The following CALN1 variants were observed in gnomAD, a reference collection of about 807,000 sequenced individuals.
The protein encoded by CALN1 is calneuron 1.
Under a neutral mutation model 30.6 loss-of-function variants are expected in CALN1, and 17 were observed. The ratio of observed to expected loss-of-function variants is 0.56; its 90% confidence interval spans 0.38 to 0.83. The LOEUF (loss-of-function observed/expected upper bound fraction) is 0.83. Ranked by LOEUF, CALN1 falls within the 40% of genes least tolerant of loss-of-function variation. CALN1 has a pLI of 0.00. For missense variants in CALN1, 291 were observed against 354.9 expected (o/e 0.82, Z 1.45); for synonymous variants, 156 against 131.4 (o/e 1.19, Z -1.28).
intron 1 of CALN1, among the ~76,000 whole-genome samples, chr7:72,437,081 A>C (rs907692815): frequency 6.6e-5 from 10 of 152,104 alleles, no homozygotes; most frequent in Non-Finnish European, 1.0e-4. Context: ...CTCAAAAAAA[A>C]AAAAGGAACC....
At chr7:72,292,349 G>A (rs1041755676) in intron 2 of CALN1, among the ~76,000 whole-genome samples, 25 of 151,416 alleles carry the variant, frequency 1.7e-4, no homozygotes, top group Admixed American at 1.6e-3. Flanking sequence ...AGAGCGCTCT[G>A]GTCTCTTTGT....
chr7:72,063,370 A>AT (rs1343936582), intron 4 of CALN1, among the ~76,000 whole-genome samples: 2 of 152,370 alleles, frequency 1.3e-5, no homozygotes, highest in South Asian at 4.1e-4. Flanking sequence ...ATGCAATGCC[A>AT]TAAGTCTCTT....
intron 4 of CALN1, among the ~76,000 whole-genome samples, chr7:72,045,994 C>T (rs1802442169): frequency 1.0e-5 from 1 of 97,444 alleles, no homozygotes; most frequent in Admixed American, 1.1e-4. Context: ...GAGACTCCCT[C>T]TCAAAAAAAA....
intron 2 of CALN1, among the ~76,000 whole-genome samples, chr7:72,393,012 A>G (rs976891457): frequency 2.0e-5 from 3 of 152,048 alleles, no homozygotes; most frequent in Admixed American, 2.0e-4. Context: ...AAAAAAAATT[A>G]ATACAAACAC....
intron 5 of CALN1, among the ~76,000 whole-genome samples, chr7:71,856,866 G>A (rs946302181): frequency 6.6e-6 from 1 of 151,996 alleles, no homozygotes; most frequent in African/African-American, 2.4e-5. Context: ...CAGGTGGAAG[G>A]GTCGCTTCAA....
chr7:71,875,939 C>T (rs1288762320), intron 5 of CALN1, among the ~76,000 whole-genome samples: 1 of 152,164 alleles, frequency 6.6e-6, no homozygotes. Flanking sequence ...TGACCATGAG[C>T]ACAAGTTCAA....
intron 4 of CALN1, among the ~76,000 whole-genome samples, chr7:72,048,038 CTTCTTTTTTTT>C (rs1802588655): frequency 7.3e-6 from 1 of 137,326 alleles, no homozygotes; most frequent in Non-Finnish European, 1.5e-5. Flanking sequence ...TCTTCTTCTT[CTTCTTTTTTTT>C]TTTTTTTTGA....
At chr7:72,492,161 T>A in the CALN1 span, among the ~76,000 whole-genome samples, 1 of 152,206 alleles carries the variant, frequency 6.6e-6, no homozygotes, top group Non-Finnish European at 1.5e-5. Flanking sequence ...AACAGAAATG[T>A]GCCACCTTGG....
rs573576255 is a variant in CALN1 at position 72,226,896 on chromosome 7, G to T, written c.244+51790C>A. The stretch of plus-strand genomic sequence containing the variant: ...ATCTCTACAAAAAACAATTAGCCAC[G>T]CATGATGGCGCATGTCTATAGTTCC... On this transcript the variant is annotated intron_variant, in intron 3 of 6. Coordinates refer to ENST00000395275, the MANE Select transcript of CALN1 (RefSeq NM_031468.4). Among the ~76,000 whole-genome samples the T allele has an allele frequency of 1.4e-4, 22 of 152,006 alleles. No individual in the cohort carries two copies. In the East Asian group the frequency reaches 4.3e-3, roughly 30 times the overall value.
chr7:72,271,916 G>C (rs145599615), intron 3 of CALN1, among the ~76,000 whole-genome samples: 15 of 151,978 alleles, frequency 9.9e-5, no homozygotes, highest in African/African-American at 3.4e-4. Flanking sequence ...ACAAAATGTA[G>C]GCGGGCGTGA....
At chr7:72,461,052 C>T in the CALN1 span, among the ~76,000 whole-genome samples, 1 of 152,180 alleles carries the variant, frequency 6.6e-6, no homozygotes, top group African/African-American at 2.4e-5. Flanking sequence ...CTCTCCATCC[C>T]ATTCCCTAGG....
At chr7:72,370,400 T>C (rs1377545892) in intron 2 of CALN1, among the ~76,000 whole-genome samples, 1 of 152,114 alleles carries the variant, frequency 6.6e-6, no homozygotes, top group African/African-American at 2.4e-5. Context: ...TTATAAGACA[T>C]GTGATTGACT....
At chr7:72,432,230 C>T (rs1049762850) in intron 1 of CALN1, among the ~76,000 whole-genome samples, 3 of 152,204 alleles carry the variant, frequency 2.0e-5, no homozygotes, top group African/African-American at 7.2e-5. Context: ...CCTGCCTACA[C>T]TCTCTTGCCT....
intron 3 of CALN1, among the ~76,000 whole-genome samples, chr7:72,238,272 T>C (rs1794608061): frequency 6.6e-6 from 1 of 152,186 alleles, no homozygotes; most frequent in Non-Finnish European, 1.5e-5. Flanking sequence ...TTTTAAATTT[T>C]AACTGGAGTC....
At chr7:71,870,821 G>A (rs370903746) in intron 5 of CALN1, among the ~76,000 whole-genome samples, 18 of 152,284 alleles carry the variant, frequency 1.2e-4, no homozygotes, top group East Asian at 1.2e-3. Context: ...TTCTGAATTA[G>A]TTAGTGGGCA....
At chr7:72,324,300 G>A (rs1801108307) in intron 2 of CALN1, among the ~76,000 whole-genome samples, 1 of 152,006 alleles carries the variant, frequency 6.6e-6, no homozygotes, top group Non-Finnish European at 1.5e-5. Flanking sequence ...AGTTCTGGAG[G>A]GATTTCACCT....
In CALN1 at chr7:71,983,680, C is replaced by T. The variant is rs549715398; in HGVS notation, c.501+39977G>A. On this transcript the variant is annotated intron_variant, in intron 5 of 6. Transcript: ENST00000395275. ...CTGAGTAGCTGGGATTACAGGTGCC[C>T]GCTACCATGCCTGGCTAATTTTTGT... Among the ~76,000 whole-genome samples, 20 of 152,146 alleles carry T rather than the reference C, an allele frequency of 1.3e-4. No individual in the cohort carries two copies. The East Asian group carries it at 2.7e-3, about 21-fold the overall frequency.
chr7:71,800,089 T>A (rs1787215410), intron 6 of CALN1, among the ~76,000 whole-genome samples: 1 of 152,206 alleles, frequency 6.6e-6, no homozygotes, highest in Admixed American at 6.5e-5. Flanking sequence ...GGTCTCTCCA[T>A]CCAGGTGTGA....
chr7:72,120,125 T>C (rs753586105), intron 3 of CALN1, among the ~76,000 whole-genome samples: 7 of 152,048 alleles, frequency 4.6e-5, no homozygotes, highest in South Asian at 4.1e-4. Flanking sequence ...CCAGTATCTA[T>C]TGTTCCCATC....
Sources: gnomAD v4.1 joint callset for allele counts (sites outside exome capture counted in the v4.1 genomes callset) on GRCh38, gnomAD v4.1.1 for gene constraint, MANE v1.5 for transcripts, NCBI Gene and HGNC (gene_info 2026-07-23, HGNC 2026-07-21) for gene names.